Variants in PCSK5 observed in about 807,000 individuals in gnomAD.
PCSK5 encodes prohormone convertase 5.
A neutral mutation model predicts 233.2 loss-of-function variants in PCSK5; 129 were observed. The ratio of observed to expected loss-of-function variants is 0.55; its 90% CI spans 0.48 to 0.64. The LOEUF (loss-of-function observed/expected upper bound fraction) is 0.64. PCSK5 is among the 30% of genes least tolerant of loss of function. PCSK5 has a pLI of 0.00. For missense variants in PCSK5, 2,076 were observed against 2,430.1 expected, an observed-to-expected ratio of 0.85 and a Z score of 3.06; for synonymous variants, 825 against 879.2, an observed-to-expected ratio of 0.94 and a Z score of 1.09.
At position 76,284,706 on chromosome 9, in the gene PCSK5, A is replaced by G. The variant is rs187895107; in HGVS notation, c.3143-7527A>G. ...TGCCAGCATGCCCAGCTAATTTTGT[A>G]TTTTTAGTAGAGACAGAGTTTCTCC... On this transcript the variant is annotated intron_variant, in intron 24 of 37. Coordinates refer to ENST00000674117, the MANE Select transcript of PCSK5 (RefSeq NM_001372043.1). 3.4e-3 allele frequency among the ~76,000 whole-genome samples: 514 copies of G among 151,718 alleles called. 2 individuals carry two copies. Among genetic ancestry groups the G allele is most frequent in the African/African-American group, 0.012 (493 of 41,372 alleles).
intron 5 of PCSK5, among the ~76,000 whole-genome samples, chr9:76,042,146 C>T (rs1408183624): frequency 6.6e-6 from 1 of 152,178 alleles, no homozygotes; most frequent in African/African-American, 2.4e-5. Context: ...GATCATTGCC[C>T]CCTTTTCACT....
intron 19 of PCSK5, 145 bp downstream of exon 19, chr9:76,189,368 A>G (rs1824256282): frequency 1.3e-6 from 1 of 740,806 alleles, no homozygotes; most frequent in Non-Finnish European, 2.2e-6. Flanking sequence ...TGAAGCTTTC[A>G]CCCAGCTTAT....
chr9:75,992,548 A>G (rs1826813344), intron 3 of PCSK5, among the ~76,000 whole-genome samples: 1 of 152,060 alleles, frequency 6.6e-6, no homozygotes, highest in Non-Finnish European at 1.5e-5. Context: ...GATTTTGGAG[A>G]ATCCCGTAGT....
chr9:76,275,228 T>C (rs1295129925), intron 24 of PCSK5, among the ~76,000 whole-genome samples: 2 of 152,076 alleles, frequency 1.3e-5, no homozygotes, highest in Admixed American at 6.6e-5. Context: ...CCAAGATAAT[T>C]TTTTCCTGTC....
chr9:76,181,555 G>A lies in PCSK5; in HGVS notation c.2161G>A (p.Val721Ile). The A allele has an allele frequency of 6.2e-7, 1 of 1,613,846 alleles. No individual in the cohort carries two copies. Among genetic ancestry groups the A allele is most frequent in the South Asian group, 1.1e-5 (1 of 91,034 alleles). Residue 721 changes from valine to isoleucine, a missense_variant, in exon 16 of 38, where the codon GTT (valine) becomes ATT (isoleucine). By Grantham distance (29) the Val-to-Ile change is conservative. Coordinates refer to ENST00000674117, the MANE Select transcript of PCSK5 (RefSeq NM_001372043.1). Reference sequence around the variant, plus strand: ...TCTGAATGAAGAAACCAACAGCTGTGTTACTCACTGCCCTGATGGGTCATA... The same window carrying A: ...TCTGAATGAAGAAACCAACAGCTGTATTACTCACTGCCCTGATGGGTCATA... ...YFLNEETNSC[V>I]THCPDGSYQD...
chr9:76,106,287 C>A (rs1831975939), intron 8 of PCSK5, among the ~76,000 whole-genome samples: 1 of 152,148 alleles, frequency 6.6e-6, no homozygotes, highest in Non-Finnish European at 1.5e-5. Context: ...GTGATACTGT[C>A]CCAAAGAGGG....
chr9:75,989,294 C>T (rs1826662112), intron 3 of PCSK5, among the ~76,000 whole-genome samples: 1 of 151,974 alleles, frequency 6.6e-6, no homozygotes, highest in South Asian at 2.1e-4. Flanking sequence ...GCAATTATCT[C>T]CCAGCCTGGA....
At chr9:76,016,513 A>T (rs946463394) in intron 3 of PCSK5, among the ~76,000 whole-genome samples, 1 of 152,218 alleles carries the variant, frequency 6.6e-6, no homozygotes, top group Non-Finnish European at 1.5e-5. Context: ...AGAGTTATAC[A>T]TATAAAAGAT....
intron 5 of PCSK5, among the ~76,000 whole-genome samples, chr9:76,047,185 C>T (rs1301371653): frequency 6.7e-6 from 1 of 150,232 alleles, no homozygotes; most frequent in African/African-American, 2.5e-5. Context: ...CAAGCTCCGC[C>T]TCCTGGGTTC....
intron 30 of PCSK5, among the ~76,000 whole-genome samples, chr9:76,314,506 T>C (rs1828961933): frequency 6.6e-6 from 1 of 152,272 alleles, no homozygotes; most frequent in Non-Finnish European, 1.5e-5. Context: ...TGATCCATCC[T>C]AGAACAGCAA....
chr9:76,236,912 T>C (rs1041381191), intron 22 of PCSK5, among the ~76,000 whole-genome samples: 4 of 152,248 alleles, frequency 2.6e-5, no homozygotes, highest in Admixed American at 6.5e-5. Context: ...AGGGGAAAAA[T>C]TGAATATTGC....
intron 9 of PCSK5, among the ~76,000 whole-genome samples, chr9:76,118,828 A>G (rs1334128385): frequency 6.6e-6 from 1 of 152,044 alleles, no homozygotes; most frequent in East Asian, 1.9e-4. Flanking sequence ...AGCTTTTAGT[A>G]TAACTCCTAA....
At chr9:75,968,733 TAG>T in intron 2 of PCSK5, among the ~76,000 whole-genome samples, 1 of 152,274 alleles carries the variant, frequency 6.6e-6, no homozygotes, top group Middle Eastern at 3.4e-3. Flanking sequence ...GCATCTAAGT[TAG>T]AGTTATGTCT....
intron 9 of PCSK5, among the ~76,000 whole-genome samples, chr9:76,115,931 G>A (rs760354450): frequency 3.9e-4 from 60 of 151,908 alleles, no homozygotes; most frequent in Non-Finnish European, 5.9e-4. Flanking sequence ...TTACTTCCAG[G>A]ACATTTTTGT....
intron 5 of PCSK5, among the ~76,000 whole-genome samples, chr9:76,049,119 A>T (rs1829531976): frequency 6.6e-6 from 1 of 152,106 alleles, no homozygotes; most frequent in African/African-American, 2.4e-5. Flanking sequence ...AATAAAGAAG[A>T]AAGAAAAAAG....
At chr9:75,974,521 C>G (rs952805903) in intron 2 of PCSK5, among the ~76,000 whole-genome samples, 11 of 152,308 alleles carry the variant, frequency 7.2e-5, no homozygotes, top group Non-Finnish European at 1.2e-4. Flanking sequence ...GCTTTTCCCC[C>G]ACCCTGACCA....
intron 3 of PCSK5, among the ~76,000 whole-genome samples, chr9:76,013,806 T>C (rs1010522166): frequency 8.5e-5 from 13 of 152,212 alleles, no homozygotes; most frequent in Non-Finnish European, 1.6e-4. Context: ...ATTGTCATTT[T>C]TGAAGCAATA....
intron 35 of PCSK5, among the ~76,000 whole-genome samples, chr9:76,349,231 G>T (rs1267228533): frequency 7.1e-6 from 1 of 139,930 alleles, no homozygotes; most frequent in Non-Finnish European, 1.5e-5. Flanking sequence ...CCGAGATCGC[G>T]CCATTGCACT....
At chr9:76,171,135 A>G (rs1470804548) in intron 13 of PCSK5, among the ~76,000 whole-genome samples, 1 of 152,250 alleles carries the variant, frequency 6.6e-6, no homozygotes, top group African/African-American at 2.4e-5. Context: ...CAGGATTGAT[A>G]GAGAAAACAT....
Sources: gnomAD v4.1 joint callset for allele counts (sites outside exome capture counted in the v4.1 genomes callset) on GRCh38, gnomAD v4.1.1 for gene constraint, MANE v1.5 for transcripts, NCBI Gene and HGNC (gene_info 2026-07-23, HGNC 2026-07-21) for gene names.